SLC9A4: variants seen among roughly 807,000 people sequenced by gnomAD.
SLC9A4 encodes sodium/hydrogen exchanger 4.
A neutral mutation model predicts 67.4 loss-of-function variants in SLC9A4; 63 were observed. The ratio of observed to expected loss-of-function variants is 0.93; its 90% CI spans 0.76 to 1.15. SLC9A4 has a LOEUF of 1.15. Ranked by LOEUF, SLC9A4 falls within the 50% of genes most tolerant of loss-of-function variation. The pLI, the probability that SLC9A4 is intolerant of heterozygous loss-of-function variation, is 0.00. For missense variants in SLC9A4, 1,089 were observed against 987.7 expected (o/e 1.10, Z -1.38); for synonymous variants, 393 against 367.2 (o/e 1.07, Z -0.80).
chr2:102,490,417 C>A (rs1329327180), intron 2 of SLC9A4, among the ~76,000 whole-genome samples: 2 of 152,212 alleles, frequency 1.3e-5, no homozygotes, highest in African/African-American at 2.4e-5. Context: ...CAGGCAGCTA[C>A]CTTCTTGCTT....
chr2:102,502,433 C>T (rs552433336), intron 2 of SLC9A4, among the ~76,000 whole-genome samples: 1 of 152,106 alleles, frequency 6.6e-6, no homozygotes, highest in East Asian at 1.9e-4. Flanking sequence ...TAAGATACAC[C>T]ACATGATAGG....
chr2:102,522,159 G>C (rs1426015104), intron 9 of SLC9A4, among the ~76,000 whole-genome samples: 1 of 152,206 alleles, frequency 6.6e-6, no homozygotes, highest in African/African-American at 2.4e-5. Flanking sequence ...CTTCAGCCCA[G>C]ACCTCCAGGA....
intron 2 of SLC9A4, among the ~76,000 whole-genome samples, chr2:102,491,317 CTT>C (rs61708027): frequency 1.3e-4 from 6 of 45,760 alleles, no homozygotes; most frequent in African/African-American, 4.2e-4. Flanking sequence ...TGTACTAATG[CTT>C]TTTTTTTTTT....
chr2:102,512,295 C>T (rs377207773), intron 7 of SLC9A4, 22 bp downstream of exon 7: 32 of 1,611,258 alleles, frequency 2.0e-5, no homozygotes, highest in African/African-American at 2.7e-5. Context: ...GAGGGTTTCA[C>T]TCCCTGACAA....
At chr2:102,496,973 T>C (rs1398583726) in intron 2 of SLC9A4, among the ~76,000 whole-genome samples, 1 of 152,240 alleles carries the variant, frequency 6.6e-6, no homozygotes, top group Non-Finnish European at 1.5e-5. Flanking sequence ...TTGCCCAGGC[T>C]GGAGTGCAGT....
rs780148420 is a variant in SLC9A4 at position 102,514,194 on chromosome 2, C to G, written c.1664C>G (p.Ala555Gly). 6.2e-7 allele frequency: 1 copy of G among 1,614,006 alleles called. No homozygotes were observed. Among genetic ancestry groups the G allele is most frequent in the East Asian group, 2.2e-5 (1 of 44,868 alleles). Residue 555 changes from alanine (A) to glycine (G), a missense_variant, in exon 8 of 12, where the codon GCC (alanine) becomes GGC (glycine). By Grantham distance (60) the Ala-to-Gly change is moderately conservative. Coordinates refer to ENST00000295269, the MANE Select transcript of SLC9A4 (RefSeq NM_001011552.4). ...SLYKKLEMKQ[A>G]IEMVETGILS... ...TACAAGAAGCTGGAAATGAAGCAAG[C>G]CATCGAGATGGTGGAGACTGGGATA...
chr2:102,528,509 T>C (rs1303940955), intron 11 of SLC9A4, among the ~76,000 whole-genome samples: 1 of 152,040 alleles, frequency 6.6e-6, no homozygotes, highest in Admixed American at 6.6e-5. Context: ...CAAGGGATCC[T>C]CCTGCCTCGC....
At chr2:102,491,393 A>G (rs1684697371) in intron 2 of SLC9A4, among the ~76,000 whole-genome samples, 1 of 142,836 alleles carries the variant, frequency 7.0e-6, no homozygotes, top group Admixed American at 7.1e-5. Flanking sequence ...TAATTTATAA[A>G]GAAAAAGAGG....
chr2:102,495,492 T>A (rs1166794465), intron 2 of SLC9A4, among the ~76,000 whole-genome samples: 1 of 151,976 alleles, frequency 6.6e-6, no homozygotes, highest in Non-Finnish European at 1.5e-5. Flanking sequence ...AACATTTTAG[T>A]AGAAACTGAC....
chr2:102,488,548 CTTTTTT>C (rs5833020), intron 2 of SLC9A4, among the ~76,000 whole-genome samples: 2 of 124,004 alleles, frequency 1.6e-5, no homozygotes, highest in Admixed American at 1.6e-4. Context: ...AATCTAATTC[CTTTTTT>C]TTTTTTTTTT....
intron 3 of SLC9A4, among the ~76,000 whole-genome samples, chr2:102,504,800 T>C (rs1685014297): frequency 1.3e-5 from 2 of 152,206 alleles, no homozygotes; most frequent in Non-Finnish European, 2.9e-5. Context: ...ATATTTGAAA[T>C]AAAGCCAATA....
chr2:102,473,271 G>T lies in SLC9A4; in HGVS notation c.-489G>T, dbSNP rs1684258695. Reference sequence around the variant, plus strand: ...CAGGGGGAGGAGAGAAGGAACAAGCGCAGATCAGGTAGCTCCTTCTTGGGA... The same window carrying T: ...CAGGGGGAGGAGAGAAGGAACAAGCTCAGATCAGGTAGCTCCTTCTTGGGA... On this transcript the variant is annotated 5_prime_UTR_variant, in exon 1 of 12. Transcript: ENST00000295269. 6.5e-6 allele frequency: 1 copy of T among 153,998 alleles called. No homozygotes were observed. Among genetic ancestry groups the T allele is most frequent in the Non-Finnish European group, 1.4e-5 (1 of 69,332 alleles). 9.5% of individuals were successfully genotyped at this position (153,998 alleles called of 1,614,324 possible).
rs141912003 is a variant in SLC9A4 at position 102,473,975 on chromosome 2, G to C, written c.216G>C (p.Glu72Asp). Reference sequence around the variant, plus strand: ...ATGACTATGTGCAAATTCCTTATGAGGTCACTCTCTGGATACTTCTAGCAT... The same window carrying C: ...ATGACTATGTGCAAATTCCTTATGACGTCACTCTCTGGATACTTCTAGCAT... ...LDYDYVQIPY[E>D]VTLWILLASL... Residue 72 changes from glutamate to aspartate, a missense_variant, in exon 1 of 12, where the codon GAG becomes GAC. Physicochemically the swap from Glu to Asp is conservative, Grantham distance 45 (BLOSUM62 2). Transcript: ENST00000295269. 2.5e-6 allele frequency: 4 copies of C among 1,613,864 alleles called. No individual in the cohort carries two copies. In the African/African-American group the frequency reaches 5.3e-5, roughly 22 times the overall value.
chr2:102,512,908 G>A (rs114873834), intron 7 of SLC9A4, among the ~76,000 whole-genome samples: 1,885 of 152,222 alleles, frequency 0.012, 46 homozygotes, highest in African/African-American at 0.044. Context: ...AAGAAAGTGC[G>A]GAAGGAGATT....
intron 1 of SLC9A4, among the ~76,000 whole-genome samples, chr2:102,476,686 G>A (rs540669230): frequency 3.3e-5 from 5 of 151,980 alleles, no homozygotes; most frequent in Middle Eastern, 3.4e-3. Context: ...GAAGGAAAAC[G>A]GTAAGGAGAA....
Position 102,505,323 on chromosome 2 carries a change from C to T in SLC9A4, c.1050C>T (p.Thr350=), listed in dbSNP as rs758951047. ...EENVSQTSYT[T]IKYFMKMLSS... ...ACGTGTCCCAGACATCATACACGAC[C>T]ATCAAGTACTTCATGAAGATGCTGA... The change falls in exon 4 of 12, where the codon ACC becomes ACT. Residue 350 remains threonine (T), a synonymous_variant. Coordinates refer to ENST00000295269, the MANE Select transcript of SLC9A4 (RefSeq NM_001011552.4). 2.4e-5 allele frequency: 38 copies of T among 1,614,108 alleles called. No homozygotes were observed. The highest frequency in any genetic ancestry group is 3.1e-5 in the Non-Finnish European group (37 of 1,180,046).
In SLC9A4 at chr2:102,479,061, G is replaced by A; in HGVS notation, c.479G>A (p.Trp160Ter). Residue 160 changes from tryptophan to a stop codon, truncating the protein, a stop_gained, in exon 2 of 12, where the codon TGG (tryptophan) becomes TAG (stop). Coordinates refer to ENST00000295269, the MANE Select transcript of SLC9A4 (RefSeq NM_001011552.4). LOFTEE classifies it high-confidence loss of function. ...TTTGAGAACATCGGCTCCATCCTGT[G>A]GTGGGCAGTATTGGGGGCCCTGATC... is the stretch of plus-strand genomic sequence containing the variant. ...PFFENIGSIL[W>*]WAVLGALINA... is the part of the protein sequence containing the mutation. 6.2e-7 allele frequency: 1 copy of A among 1,614,184 alleles called. No homozygotes were observed. The highest frequency in any genetic ancestry group is 1.1e-5 in the South Asian group (1 of 91,086).
At chr2:102,515,479 G>C (rs1685258536) in intron 8 of SLC9A4, among the ~76,000 whole-genome samples, 1 of 150,090 alleles carries the variant, frequency 6.7e-6, no homozygotes, top group Non-Finnish European at 1.5e-5. Context: ...TTTGAGGGTG[G>C]TGGAGGGGTT....
chr2:102,516,685 A>G (rs1209969678), intron 8 of SLC9A4, among the ~76,000 whole-genome samples: 1 of 152,170 alleles, frequency 6.6e-6, no homozygotes, highest in African/African-American at 2.4e-5. Context: ...TACATACATT[A>G]TCTTATTTGA....
Sources: allele counts gnomAD v4.1 joint callset (sites outside exome capture counted in the v4.1 genomes callset), GRCh38; gene constraint gnomAD v4.1.1; transcripts MANE v1.5; gene names NCBI Gene and HGNC (gene_info 2026-07-23, HGNC 2026-07-21).